ROBO1: variants seen among roughly 807,000 people sequenced by gnomAD.
ROBO1 encodes the protein roundabout homolog 1.
ROBO1 carries 149 observed loss-of-function variants against 195.9 expected under a neutral mutation model. The observed-to-expected ratio is 0.76, with a 90% CI of 0.67 to 0.87. The LOEUF (loss-of-function observed/expected upper bound fraction) is 0.87, where lower values mean the gene tolerates loss of function less well. ROBO1 is among the 40% of genes least tolerant of loss of function. ROBO1 has a pLI of 0.00. For synonymous variants in ROBO1, 816 were observed against 733.2 expected, an observed-to-expected ratio of 1.11 and a Z score of -1.82; for missense variants, 1,933 against 2,068.3, an observed-to-expected ratio of 0.93 and a Z score of 1.27.
chr3:79,270,054 C>T (rs1161856961), intron 2 of ROBO1, among the ~76,000 whole-genome samples: 1 of 151,776 alleles, frequency 6.6e-6, no homozygotes, highest in African/African-American at 2.4e-5. Flanking sequence ...GCACAGATAA[C>T]ATATGGTAGC....
At chr3:79,559,105 C>T (rs973695814) in intron 2 of ROBO1, among the ~76,000 whole-genome samples, 4 of 152,148 alleles carry the variant, frequency 2.6e-5, no homozygotes, top group Admixed American at 1.3e-4. Context: ...GATCAGACCA[C>T]GCCCCAATAA....
chr3:78,960,787 C>CACACAA (rs2041296729), intron 3 of ROBO1, among the ~76,000 whole-genome samples: 1 of 71,676 alleles, frequency 1.4e-5, no homozygotes, highest in Non-Finnish European at 3.0e-5. Context: ...AAAACACACA[C>CACACAA]ACACACACAC....
At chr3:78,957,351 G>C (rs190377092) in intron 3 of ROBO1, among the ~76,000 whole-genome samples, 1 of 148,838 alleles carries the variant, frequency 6.7e-6, no homozygotes, top group East Asian at 2.0e-4. Context: ...AGTGGTACCT[G>C]TCTCTCTCTC....
chr3:78,969,691 G>A (rs533022423), intron 3 of ROBO1, among the ~76,000 whole-genome samples: 36 of 152,262 alleles, frequency 2.4e-4, no homozygotes, highest in African/African-American at 7.9e-4. Context: ...AGAGCCACAT[G>A]TGGAGATTTT....
intron 3 of ROBO1, among the ~76,000 whole-genome samples, chr3:79,090,184 C>A (rs749232381): frequency 1.3e-5 from 2 of 152,024 alleles, no homozygotes; most frequent in Non-Finnish European, 2.9e-5. Context: ...GTGATCCACC[C>A]GCCTCAGCCT....
chr3:79,558,985 T>C (rs1257359597), intron 2 of ROBO1, among the ~76,000 whole-genome samples: 1 of 152,158 alleles, frequency 6.6e-6, no homozygotes, highest in Non-Finnish European at 1.5e-5. Flanking sequence ...TTTCAATAAT[T>C]GAATCCCCAC....
chr3:78,747,276 G>T (rs896596858), intron 4 of ROBO1, among the ~76,000 whole-genome samples: 1 of 151,774 alleles, frequency 6.6e-6, no homozygotes, highest in Non-Finnish European at 1.5e-5. Flanking sequence ...GATGCCACAG[G>T]ATAATGCTTT....
At chr3:79,021,739 C>T (rs1037130629) in intron 3 of ROBO1, among the ~76,000 whole-genome samples, 2 of 147,872 alleles carry the variant, frequency 1.4e-5, no homozygotes, top group African/African-American at 2.5e-5. Flanking sequence ...CGGCTCACTG[C>T]AAGCTCCGCC....
intron 3 of ROBO1, among the ~76,000 whole-genome samples, chr3:79,024,270 A>G (rs997522153): frequency 3.3e-5 from 5 of 152,206 alleles, no homozygotes; most frequent in East Asian, 3.9e-4. Context: ...GGGGCCTTAC[A>G]TATTAGCAAC....
intron 3 of ROBO1, among the ~76,000 whole-genome samples, chr3:78,971,616 A>G (rs1307350370): frequency 6.6e-6 from 1 of 152,242 alleles, no homozygotes; most frequent in Non-Finnish European, 1.5e-5. Flanking sequence ...GAACCCTGAT[A>G]TACCTCTAAC....
chr3:78,680,986 T>C (rs1439740880), intron 10 of ROBO1, among the ~76,000 whole-genome samples: 3 of 151,538 alleles, frequency 2.0e-5, no homozygotes, highest in Admixed American at 6.6e-5. Flanking sequence ...ATACACACCA[T>C]GGAATACTAT....
intron 2 of ROBO1, among the ~76,000 whole-genome samples, chr3:79,576,296 C>T (rs774238165): frequency 3.9e-4 from 59 of 151,962 alleles, no homozygotes; most frequent in Admixed American, 8.5e-4. Context: ...TCCAAACATT[C>T]TATTTTCAGT....
In ROBO1 at chr3:79,125,493, G is replaced by A; in HGVS notation, c.135C>T (p.Pro45=). 1 of 1,613,664 alleles carries A rather than the reference G, an allele frequency of 6.2e-7. No individual in the cohort carries two copies. Among genetic ancestry groups the A allele is most frequent in the Non-Finnish European group, 8.5e-7 (1 of 1,179,754 alleles). The change falls in exon 3 of 31, where the codon CCC becomes CCT. Residue 45 remains proline (P), a synonymous_variant. Transcript: ENST00000464233. ...ERGNDHGTPI[P]TSDNDDNSLG... is the part of the protein sequence containing the mutation. Reference sequence around the variant, plus strand: ...GCGAATTGTCATCGTTATCAGAGGTGGGGATTGGCGTCCCGTGGTCGTTCC... The same window carrying A: ...GCGAATTGTCATCGTTATCAGAGGTAGGGATTGGCGTCCCGTGGTCGTTCC...
chr3:79,364,833 G>A (rs1207551946), intron 2 of ROBO1, among the ~76,000 whole-genome samples: 1 of 152,132 alleles, frequency 6.6e-6, no homozygotes. Flanking sequence ...ATGCATACCT[G>A]CTAAACGGGT....
chr3:78,887,852 A>C (rs1403919982), intron 4 of ROBO1, among the ~76,000 whole-genome samples: 1 of 152,068 alleles, frequency 6.6e-6, no homozygotes, highest in African/African-American at 2.4e-5. Context: ...ATATCACTGA[A>C]TCCTGCTTCA....
intron 3 of ROBO1, among the ~76,000 whole-genome samples, chr3:78,945,578 G>A (rs904260382): frequency 3.3e-5 from 5 of 152,110 alleles, no homozygotes; most frequent in African/African-American, 7.2e-5. Context: ...AAAAAACAGG[G>A]CAGAAAAACT....
chr3:78,728,907 C>T (rs375171011), intron 5 of ROBO1, among the ~76,000 whole-genome samples: 1 of 152,232 alleles, frequency 6.6e-6, no homozygotes, highest in African/African-American at 2.4e-5. Context: ...TCCTGGTACA[C>T]TTTACAATAC....
At chr3:79,284,335 T>A (rs2031744172) in intron 2 of ROBO1, among the ~76,000 whole-genome samples, 1 of 152,108 alleles carries the variant, frequency 6.6e-6, no homozygotes. Flanking sequence ...ATTTCTTAAG[T>A]TTCCTTCAGA....
intron 2 of ROBO1, among the ~76,000 whole-genome samples, chr3:79,340,088 T>A (rs193272570): frequency 6.6e-6 from 1 of 152,102 alleles, no homozygotes; most frequent in Admixed American, 6.6e-5. Flanking sequence ...TCGCCTAGAG[T>A]TGCTTGCTGC....
Sources: gnomAD v4.1 joint callset for allele counts (sites outside exome capture counted in the v4.1 genomes callset) on GRCh38, gnomAD v4.1.1 for gene constraint, MANE v1.5 for transcripts, NCBI Gene and HGNC (gene_info 2026-07-23, HGNC 2026-07-21) for gene names.